KIF19: variants seen among roughly 807,000 people sequenced by gnomAD.
KIF19 encodes the protein kinesin family member 19, also known as kinesin-like protein KIF19.
Under a neutral mutation model 106.6 loss-of-function variants are expected in KIF19, and 98 were observed. That is an observed-to-expected ratio of 0.92 (90% CI 0.78 to 1.09). The LOEUF (loss-of-function observed/expected upper bound fraction) is 1.09. KIF19 is among the 50% of genes least tolerant of loss of function. KIF19 has a pLI of 0.00. For synonymous variants in KIF19, 516 were observed against 584.2 expected (o/e 0.88, Z 1.68); for missense variants, 1,373 against 1,414.3 (o/e 0.97, Z 0.47).
rs934393733 is a variant in KIF19 at position 74,352,291 on chromosome 17, G to A, written c.1931G>A (p.Ser644Asn). The change falls in exon 14 of 20, where the codon AGC becomes AAC. Residue 644 changes from serine to asparagine, a missense_variant. Around this residue, in one of 3 missense-constraint regions of KIF19, gnomAD observed 1,020 missense variants for 1,008.2 expected, o/e 1.01. Coordinates refer to ENST00000389916, the MANE Select transcript of KIF19 (RefSeq NM_153209.4). The stretch of plus-strand genomic sequence containing the variant: ...TACCTGCGGGAGCTGGAGGAGGGCA[G>A]CCTGGAGCAGGCCACCATCATGGAC... ...EVYLRELEEG[S>N]LEQATIMDQV... The A allele has an allele frequency of 9.3e-6, 15 of 1,612,176 alleles. No homozygotes were observed. In the African/African-American group the frequency reaches 1.1e-4, roughly 11 times the overall value.
intron 6 of KIF19, 128 bp downstream of exon 6, chr17:74,344,476 T>A: frequency 7.1e-7 from 1 of 1,406,834 alleles, no homozygotes. Context: ...AGGAGAATCC[T>A]GAGTGGCAGC....
rs374017020 is a variant in KIF19, at chr17:74,341,997, G to T, written c.231+11G>T. 4.4e-6 allele frequency: 7 copies of T among 1,595,906 alleles called. No individual in the cohort carries two copies. The highest frequency in any genetic ancestry group is 6.0e-6 in the Non-Finnish European group (7 of 1,169,626). ...TTCACCGCCACCCAGGTGAGGGAGG[G>T]CCTGGGCTGGAGACACGCAGGAGCC... On this transcript the variant is annotated intron_variant, in intron 3 of 19. Coordinates refer to ENST00000389916, the MANE Select transcript of KIF19 (RefSeq NM_153209.4).
Position 74,348,894 on chromosome 17 carries a change from G to A in KIF19, c.1048-290G>A, listed in dbSNP as rs191201478. On this transcript the variant is annotated intron_variant, in intron 9 of 19. Coordinates refer to ENST00000389916, the MANE Select transcript of KIF19 (RefSeq NM_153209.4). ...GCAGGACAGGTCTTCAACTGGAGTG[G>A]GATGTTCATGCAGGAGCGGTGAGCC... The A allele has an allele frequency of 7.0e-4, 313 of 449,392 alleles. 1 individual carries two copies. The highest frequency in any genetic ancestry group is 7.5e-4 in the East Asian group (16 of 21,276). 27.8% of individuals were successfully genotyped at this position (449,392 alleles called of 1,614,324 possible). A position where few individuals can be genotyped will look rare whatever the true frequency, so the allele number is the denominator to read the frequency against.
At chr17:74,341,653 C>T (rs1249926461) in intron 2 of KIF19, among the ~76,000 whole-genome samples, 1 of 152,218 alleles carries the variant, frequency 6.6e-6, no homozygotes, top group Non-Finnish European at 1.5e-5. Context: ...GGCTCTGGCT[C>T]CGAGACCTAC....
At chr17:74,350,095 G>A (rs999271522) in intron 10 of KIF19, among the ~76,000 whole-genome samples, 6 of 152,192 alleles carry the variant, frequency 3.9e-5, no homozygotes, top group African/African-American at 1.4e-4. Context: ...TACTGTGCCT[G>A]GCCACAGACG....
intron 17 of KIF19, among the ~76,000 whole-genome samples, chr17:74,353,913 G>A (rs1221312176): frequency 6.6e-6 from 1 of 152,186 alleles, no homozygotes; most frequent in Non-Finnish European, 1.5e-5. Context: ...CTGCCCCCTG[G>A]ATAATGTAGG....
chr17:74,326,809 T>C (rs2053924443), intron 1 of KIF19, among the ~76,000 whole-genome samples: 1 of 152,058 alleles, frequency 6.6e-6, no homozygotes, highest in East Asian at 1.9e-4. Flanking sequence ...TAAAGGGATG[T>C]GGGGGTCACC....
chr17:74,326,659 A>G (rs1206022013), intron 1 of KIF19, among the ~76,000 whole-genome samples: 1 of 150,996 alleles, frequency 6.6e-6, no homozygotes, highest in East Asian at 2.0e-4. Flanking sequence ...TCCCGCCCCC[A>G]AAGCGTGCGC....
intron 2 of KIF19, among the ~76,000 whole-genome samples, chr17:74,334,355 C>A (rs75371884): frequency 6.6e-6 from 1 of 152,146 alleles, no homozygotes; most frequent in Admixed American, 6.6e-5. Flanking sequence ...TGACTGTGCG[C>A]GTGTGGGAAG....
In KIF19 at chr17:74,346,321, A is replaced by G. The variant is rs965342877; in HGVS notation, c.778-57A>G. The G allele has an allele frequency of 3.9e-6, 6 of 1,521,938 alleles. No individual in the cohort carries two copies. In the African/African-American group the frequency reaches 6.9e-5, roughly 18 times the overall value. 94.3% of individuals were successfully genotyped at this position (1,521,938 alleles called of 1,614,324 possible). A position where few individuals can be genotyped will look rare whatever the true frequency, so the allele number is the denominator to read the frequency against. On this transcript the variant is annotated intron_variant, in intron 7 of 19. Transcript: ENST00000389916. This position sits in a 1 kb window ranked among gnomAD's most constrained non-coding sequence, Gnocchi z 4.6. ...TCATTCATTGGTGGGGTGGCTGGGG[A>G]GAAACCCAGTCCCCTGCCTCATCAG...
At chr17:74,351,792 A>AT (rs2144292808) in intron 12 of KIF19, 75 bp from the exon 13 acceptor site, 1 of 1,348,864 alleles carries the variant, frequency 7.4e-7, no homozygotes, top group Non-Finnish European at 9.5e-7. Flanking sequence ...CAGGCGCTGG[A>AT]GGGTCGAGGA....
chr17:74,336,268 C>T (rs1189791942), intron 2 of KIF19, among the ~76,000 whole-genome samples: 5 of 152,128 alleles, frequency 3.3e-5, no homozygotes, highest in Admixed American at 1.3e-4. Flanking sequence ...GGGATTTCAC[C>T]ATGTTGGCTA....
Position 74,352,955 on chromosome 17 carries a change from G to A in KIF19, c.2114+1G>A, listed in dbSNP as rs150407127. On this transcript the variant is annotated splice_donor_variant, in intron 15 of 19. Coordinates refer to ENST00000389916, the MANE Select transcript of KIF19 (RefSeq NM_153209.4). LOFTEE classifies it high-confidence loss of function. ...CCCTCCCTCCCCTCAGCACAGAGAG[G>A]TGAGATGGGGGCCACCTGCCCCAGC... The A allele has an allele frequency of 3.7e-6, 6 of 1,613,646 alleles. No individual in the cohort carries two copies. The highest frequency in any genetic ancestry group is 1.7e-4 in the Middle Eastern group (1 of 6,060).
chr17:74,353,098 C>T, intron 15 of KIF19, 98 bp from the exon 16 acceptor site: 1 of 1,400,816 alleles, frequency 7.1e-7, no homozygotes, highest in Non-Finnish European at 9.9e-7. Context: ...CCTGGGTTCT[C>T]TCTCCTTTCA....
At chr17:74,330,260 G>A (rs1292399099) in intron 2 of KIF19, among the ~76,000 whole-genome samples, 2 of 152,210 alleles carry the variant, frequency 1.3e-5, no homozygotes, top group African/African-American at 2.4e-5. Flanking sequence ...TGCAGCCTGG[G>A]GGGTTGCTTC....
In KIF19 at chr17:74,352,259, C is replaced by T. The variant is rs915806626; in HGVS notation, c.1899C>T (p.Tyr633=). ...LAVPQRLEEL[Y]EVYLRELEEG... is the part of the protein sequence containing the mutation. The stretch of plus-strand genomic sequence containing the variant: ...TCCCGCAGCGCCTGGAAGAGCTCTA[C>T]GAAGTGTACCTGCGGGAGCTGGAGG... The change falls in exon 14 of 20, where the codon TAC becomes TAT. Residue 633 remains tyrosine, a synonymous_variant. Coordinates refer to ENST00000389916, the MANE Select transcript of KIF19 (RefSeq NM_153209.4). 5 of 1,612,974 alleles carry T rather than the reference C, an allele frequency of 3.1e-6. No individual in the cohort carries two copies. Among genetic ancestry groups the T allele is most frequent in the Admixed American group, 1.7e-5 (1 of 59,970 alleles).
intron 6 of KIF19, 112 bp from the exon 7 acceptor site, chr17:74,344,649 C>G: frequency 8.4e-7 from 1 of 1,186,154 alleles, no homozygotes; most frequent in Non-Finnish European, 1.2e-6. Context: ...CCAGCCTGCC[C>G]TTTCCCAACT....
intron 2 of KIF19, among the ~76,000 whole-genome samples, chr17:74,329,930 C>T (rs564495276): frequency 6.6e-6 from 1 of 152,314 alleles, no homozygotes; most frequent in South Asian, 2.1e-4. Flanking sequence ...CTCATGAAGC[C>T]CTGGGCCCAG....
At chr17:74,333,863 C>CTTTTTTTTTT (rs368776098) in intron 2 of KIF19, among the ~76,000 whole-genome samples, 2 of 132,622 alleles carry the variant, frequency 1.5e-5, no homozygotes, top group Admixed American at 7.9e-5. Flanking sequence ...CTTTTTTTTT[C>CTTTTTTTTTT]TTTTTTTTTT....
Sources: gnomAD v4.1 joint callset for allele counts (sites outside exome capture counted in the v4.1 genomes callset) on GRCh38, gnomAD v4.1.1 for gene constraint, gnomAD v4.1.1 regional missense constraint, Gnocchi (gnomAD v3.1) non-coding constraint, MANE v1.5 for transcripts, NCBI Gene and HGNC (gene_info 2026-07-23, HGNC 2026-07-21) for gene names.